CFAP20DC: variants seen among roughly 807,000 people sequenced by gnomAD.
CFAP20DC encodes CFAP20 domain containing, also known as protein CFAP20DC.
Under a neutral mutation model 101.7 loss-of-function variants are expected in CFAP20DC, and 84 were observed. That is an observed-to-expected ratio of 0.83 (90% CI 0.69 to 0.99). CFAP20DC has a LOEUF of 0.99. Among genes scored for constraint, CFAP20DC ranks in the 50% least tolerant of loss-of-function variants. The pLI is 0.00. For missense variants in CFAP20DC, 1,007 were observed against 970.3 expected (o/e 1.04, Z -0.50); for synonymous variants, 359 against 351.2 (o/e 1.02, Z -0.25).
At chr3:59,020,295 GTTGAGAATTCTGTTTGTTT>G (rs1303464212) in intron 4 of CFAP20DC, among the ~76,000 whole-genome samples, 3 of 151,916 alleles carry the variant, frequency 2.0e-5, no homozygotes, top group Non-Finnish European at 4.4e-5. Context: ...ATCCCAAAGA[GTTGAGAATTCTGTTTGTTT>G]TACAATAAAG....
chr3:59,048,552 G>A (rs115247929), intron 1 of CFAP20DC, among the ~76,000 whole-genome samples: 1,741 of 152,206 alleles, frequency 0.011, 31 homozygotes, highest in African/African-American at 0.04. Flanking sequence ...CCTGTAGTGG[G>A]CACATGTTTT....
intron 4 of CFAP20DC, among the ~76,000 whole-genome samples, chr3:59,037,013 C>G (rs889931210): frequency 6.6e-6 from 1 of 151,976 alleles, no homozygotes; most frequent in Non-Finnish European, 1.5e-5. Context: ...ACAAACCTGA[C>G]AAAAACAAGA....
At chr3:58,918,905 A>T (rs111805177) in intron 5 of CFAP20DC, among the ~76,000 whole-genome samples, 5 of 152,330 alleles carry the variant, frequency 3.3e-5, no homozygotes, top group African/African-American at 1.2e-4. Context: ...AACACTTATA[A>T]AAGTACCTGG....
At chr3:58,963,723 G>C (rs777839902) in intron 4 of CFAP20DC, among the ~76,000 whole-genome samples, 11 of 152,130 alleles carry the variant, frequency 7.2e-5, no homozygotes, top group Non-Finnish European at 1.3e-4. Context: ...AGGAAAGAAA[G>C]ATTAAATACC....
chr3:58,762,550 AT>A (rs2069746074), intron 15 of CFAP20DC, among the ~76,000 whole-genome samples: 1 of 152,092 alleles, frequency 6.6e-6, no homozygotes, highest in South Asian at 2.1e-4. Context: ...TAAGGTTAAT[AT>A]TGTTATGTGT....
rs3762704 is a variant in CFAP20DC, at chr3:58,734,805, C to A, written c.198-17177G>T. On this transcript the variant is annotated intron_variant, in intron 3 of 3. Coordinates refer to the CFAP20DC transcript ENST00000486145. ...GTTCCTTCACAGCCCAAAGCACTTA[C>A]CATTCAAGGCTGTGTACAAAACAGA... 5.5e-4 allele frequency among the ~76,000 whole-genome samples: 83 copies of A among 152,292 alleles called. 1 individual carries two copies. The East Asian group carries it at 0.013, about 25-fold the overall frequency.
At chr3:58,764,034 C>G (rs185602705) in intron 15 of CFAP20DC, among the ~76,000 whole-genome samples, 14 of 152,284 alleles carry the variant, frequency 9.2e-5, no homozygotes, top group African/African-American at 3.4e-4. Context: ...AAGCTGCATG[C>G]TGGGAGAACC....
At chr3:58,789,385 A>G (rs2072658631) in intron 15 of CFAP20DC, among the ~76,000 whole-genome samples, 1 of 152,204 alleles carries the variant, frequency 6.6e-6, no homozygotes, top group African/African-American at 2.4e-5. Context: ...TTTGTAAAGA[A>G]TAACTACAGG....
At chr3:58,798,814 T>A (rs771999020) in intron 15 of CFAP20DC, among the ~76,000 whole-genome samples, 4 of 152,146 alleles carry the variant, frequency 2.6e-5, no homozygotes, top group African/African-American at 4.8e-5. Context: ...GACAAGACCC[T>A]CCACCAGCAA....
In CFAP20DC at chr3:58,859,613, A is replaced by G. The variant is rs1258778853; in HGVS notation, c.1593+3945T>C. On this transcript the variant is annotated intron_variant, in intron 12 of 16. Transcript: ENST00000482387. The surrounding 1 kb of genome is among the most constrained non-coding windows in gnomAD (Gnocchi z 4.1). ...AGAGCTTCAATAGATAATAATAAAG[A>G]CATGTAGATGTGAACAGCCTAAAAA... Among the ~76,000 whole-genome samples the G allele has an allele frequency of 6.6e-6, 1 of 152,232 alleles. No homozygotes were observed. The highest frequency in any genetic ancestry group is 1.9e-4 in the East Asian group (1 of 5,192).
At chr3:58,734,960 C>G (rs1575520820) in intron 3 of CFAP20DC, among the ~76,000 whole-genome samples, 1 of 152,128 alleles carries the variant, frequency 6.6e-6, no homozygotes, top group East Asian at 1.9e-4. Flanking sequence ...AGGTCTACAC[C>G]TTTGCTCAGA....
rs536231851 is a variant in CFAP20DC at position 58,855,160 on chromosome 3, T to A, written c.1594-5751A>T. ...TACCAGAAAAAAACAAACAACCCCA[T>A]CAAAAAGTGGGTGAAGGACATGAAC... On this transcript the variant is annotated intron_variant, in intron 12 of 16. Transcript: ENST00000482387. Among the ~76,000 whole-genome samples, 465 of 151,664 alleles carry A rather than the reference T, an allele frequency of 3.1e-3. 1 individual carries two copies. Among genetic ancestry groups the A allele is most frequent in the Non-Finnish European group, 4.3e-3 (295 of 67,924 alleles).
At chr3:59,043,442 A>G (rs1390747668) in intron 3 of CFAP20DC, among the ~76,000 whole-genome samples, 1 of 152,146 alleles carries the variant, frequency 6.6e-6, no homozygotes, top group Non-Finnish European at 1.5e-5. Context: ...TCAGGAAAAT[A>G]GAGGCAGATC....
chr3:58,886,378 TG>T (rs2081627055), intron 6 of CFAP20DC, among the ~76,000 whole-genome samples: 1 of 151,900 alleles, frequency 6.6e-6, no homozygotes, highest in African/African-American at 2.4e-5. Context: ...AAAAGTTAAA[TG>T]AAAAAAACAG....
chr3:58,749,573 G>A (rs1201722431), intron 16 of CFAP20DC, among the ~76,000 whole-genome samples: 2 of 152,146 alleles, frequency 1.3e-5, no homozygotes, highest in East Asian at 1.9e-4. Context: ...GGGAATATTT[G>A]GTGTGGCTTT....
In CFAP20DC at chr3:58,722,345, G is replaced by A. The variant is rs1307939884; in HGVS notation, c.198-4717C>T. 3.3e-5 allele frequency among the ~76,000 whole-genome samples: 5 copies of A among 152,286 alleles called. No individual in the cohort carries two copies. The East Asian group carries it at 9.7e-4, about 29-fold the overall frequency. ...CCCATGCGTGTACTACTATGGTAGTGGTCTTATATCACTCAAGTTTGGGGT... is the reference window on the plus strand; with the variant it reads ...CCCATGCGTGTACTACTATGGTAGTAGTCTTATATCACTCAAGTTTGGGGT... On this transcript the variant is annotated intron_variant, in intron 3 of 3. Coordinates refer to the CFAP20DC transcript ENST00000486145. The surrounding 1 kb of genome is among the most constrained non-coding windows in gnomAD (Gnocchi z 4.5).
At chr3:58,852,647 G>A (rs891204208) in intron 12 of CFAP20DC, among the ~76,000 whole-genome samples, 9 of 149,688 alleles carry the variant, frequency 6.0e-5, no homozygotes, top group African/African-American at 2.2e-4. Context: ...TCAGACCACA[G>A]TGCAATCAAA....
At chr3:59,012,044 G>A (rs903426676) in intron 4 of CFAP20DC, among the ~76,000 whole-genome samples, 1 of 152,140 alleles carries the variant, frequency 6.6e-6, no homozygotes, top group Non-Finnish European at 1.5e-5. Context: ...TCGAAATAAA[G>A]CATAGCTTAT....
intron 6 of CFAP20DC, among the ~76,000 whole-genome samples, chr3:58,895,648 C>T (rs111388085): frequency 0.016 from 2,485 of 152,316 alleles, 55 homozygotes; most frequent in Non-Finnish European, 0.019. Context: ...GTTGTTTCTA[C>T]ATTTTCAGGT....
Sources: gnomAD v4.1 joint callset for allele counts (sites outside exome capture counted in the v4.1 genomes callset) on GRCh38, gnomAD v4.1.1 for gene constraint, Gnocchi (gnomAD v3.1) non-coding constraint, MANE v1.5 for transcripts, NCBI Gene and HGNC (gene_info 2026-07-23, HGNC 2026-07-21) for gene names.